Variants in CPSF7 observed in about 807,000 individuals in gnomAD.
CPSF7 encodes cleavage and polyadenylation specific factor 7.
In CPSF7, 1 loss-of-function variant was observed where a neutral mutation model predicts 44.3. The ratio of observed to expected loss-of-function variants is 0.02; its 90% CI spans 0.01 to 0.11. The LOEUF (loss-of-function observed/expected upper bound fraction) is 0.11, where lower values mean the gene tolerates loss of function less well. CPSF7 is among the 10% of genes least tolerant of loss of function. The pLI is 1.00. For synonymous variants in CPSF7, 202 were observed against 222.0 expected (o/e 0.91, Z 0.80); for missense variants, 443 against 607.2 (o/e 0.73, Z 2.84).
chr11:61,422,190 T>G (rs1400558269), intron 2 of CPSF7, among the ~76,000 whole-genome samples: 2 of 152,208 alleles, frequency 1.3e-5, no homozygotes, highest in African/African-American at 4.8e-5. Flanking sequence ...CAATCCCATC[T>G]TTCCATCGGA....
chr11:61,411,573 C>T (rs1859852107), intron 8 of CPSF7, among the ~76,000 whole-genome samples, 196 bp downstream of exon 8: 1 of 152,178 alleles, frequency 6.6e-6, no homozygotes, highest in African/African-American at 2.4e-5. Context: ...ACTGCCTCAC[C>T]CACCAGATTC....
intron 5 of CPSF7, among the ~76,000 whole-genome samples, chr11:61,418,386 C>G (rs898242932): frequency 6.6e-6 from 1 of 152,160 alleles, no homozygotes; most frequent in Admixed American, 6.6e-5. Context: ...CAGGAAAATC[C>G]AAGGTCTAGT....
intron 9 of CPSF7, among the ~76,000 whole-genome samples, chr11:61,410,133 T>C (rs556874676): frequency 3.3e-5 from 5 of 151,054 alleles, no homozygotes; most frequent in South Asian, 4.2e-4. Context: ...AAGGTCTCAC[T>C]GTCGCTCAGG....
At chr11:61,410,732 C>T (rs1859776858) in intron 9 of CPSF7, 3 of 469,688 alleles carry the variant, frequency 6.4e-6, no homozygotes, top group African/African-American at 2.0e-5. Context: ...TTAAGGCAGT[C>T]AAGAAACAAG....
chr11:61,418,764 G>A (rs546794989), intron 5 of CPSF7, among the ~76,000 whole-genome samples: 158 of 151,902 alleles, frequency 1.0e-3, no homozygotes, highest in Admixed American at 1.8e-3. Flanking sequence ...TGTCACCCAG[G>A]CTGGAAGGCA....
intron 5 of CPSF7, among the ~76,000 whole-genome samples, chr11:61,419,689 G>A (rs1024541757): frequency 2.0e-5 from 3 of 152,120 alleles, no homozygotes; most frequent in Non-Finnish European, 4.4e-5. Context: ...AAAGTGACTT[G>A]GCCAAGGTCA....
At chr11:61,429,856 G>T in intron 1 of CPSF7, 58 bp downstream of exon 1, 1 of 1,541,906 alleles carries the variant, frequency 6.5e-7, no homozygotes, top group South Asian at 1.2e-5. Context: ...TCCCGCCTCA[G>T]TGCCGGCCCG....
chr11:61,424,973 A>C (rs1162745079), intron 2 of CPSF7, among the ~76,000 whole-genome samples: 2 of 152,256 alleles, frequency 1.3e-5, no homozygotes, highest in Non-Finnish European at 2.9e-5. Flanking sequence ...ATGCATCACC[A>C]GGAAACCCTT....
chr11:61,429,568 T>C, intron 1 of CPSF7: 1 of 625,188 alleles, frequency 1.6e-6, no homozygotes, highest in Non-Finnish European at 2.6e-6. Context: ...CGGGTCCTAG[T>C]GGCCCTAGGA....
chr11:61,423,582 G>A (rs1861093935), intron 2 of CPSF7, among the ~76,000 whole-genome samples: 1 of 152,194 alleles, frequency 6.6e-6, no homozygotes, highest in African/African-American at 2.4e-5. Context: ...GAGACAGCAA[G>A]TAGTTCAGTG....
At chr11:61,422,404 C>T (rs972567101) in intron 2 of CPSF7, among the ~76,000 whole-genome samples, 1 of 151,920 alleles carries the variant, frequency 6.6e-6, no homozygotes, top group Non-Finnish European at 1.5e-5. Context: ...GCTTCAACCT[C>T]CTGGGCTCAT....
Position 61,411,956 on chromosome 11 carries a change from GA to G in CPSF7, c.1058-20del. 6.2e-7 allele frequency: 1 copy of G among 1,612,450 alleles called. No homozygotes were observed. The highest frequency in any genetic ancestry group is 8.5e-7 in the Non-Finnish European group (1 of 1,178,530). On this transcript the variant is annotated intron_variant, in intron 7 of 9. Transcript: ENST00000439958. ...TAATCCCCTGATAAAGGATGAAGGA[GA>G]AAGGCCAAGGGTGAGGAGAGATGGT...
At chr11:61,419,846 A>C in intron 5 of CPSF7, 103 bp downstream of exon 5, 1 of 1,440,404 alleles carries the variant, frequency 6.9e-7, no homozygotes, top group Non-Finnish European at 9.4e-7. Flanking sequence ...AAACTCACCC[A>C]CACTGTAGGC....
At chr11:61,417,643 G>A (rs1042559364) in intron 5 of CPSF7, among the ~76,000 whole-genome samples, 1 of 152,198 alleles carries the variant, frequency 6.6e-6, no homozygotes, top group Admixed American at 6.5e-5. Context: ...ACAGAACAGT[G>A]CCAGTGCTGT....
chr11:61,406,479 T>G (rs1859331785), intron 9 of CPSF7, among the ~76,000 whole-genome samples: 1 of 152,184 alleles, frequency 6.6e-6, no homozygotes, highest in East Asian at 1.9e-4. Context: ...GTCCTTAGGG[T>G]GAGAATGTAA....
At chr11:61,428,557 T>C (rs1380701032) in intron 2 of CPSF7, among the ~76,000 whole-genome samples, 2 of 152,252 alleles carry the variant, frequency 1.3e-5, no homozygotes, top group Non-Finnish European at 2.9e-5. Context: ...TGCATGGGTC[T>C]ATTATCAGTT....
chr11:61,418,582 C>T (rs1439435284), intron 5 of CPSF7, among the ~76,000 whole-genome samples: 1 of 152,174 alleles, frequency 6.6e-6, no homozygotes, highest in Non-Finnish European at 1.5e-5. Context: ...AGCGAATTCT[C>T]TTCCTAGTAG....
chr11:61,412,079 C>T (rs1246587393), intron 7 of CPSF7, 142 bp from the exon 8 acceptor site: 2 of 641,296 alleles, frequency 3.1e-6, no homozygotes, highest in African/African-American at 3.6e-5. Context: ...GCAGATGTTG[C>T]AAGTGTAAAA....
intron 5 of CPSF7, among the ~76,000 whole-genome samples, chr11:61,419,273 C>G (rs900578776): frequency 6.6e-6 from 1 of 152,316 alleles, no homozygotes; most frequent in East Asian, 1.9e-4. Flanking sequence ...CCACCCACCT[C>G]GGCCTCTCAA....
Sources: gnomAD v4.1 joint callset for allele counts (sites outside exome capture counted in the v4.1 genomes callset) on GRCh38, gnomAD v4.1.1 for gene constraint, MANE v1.5 for transcripts, NCBI Gene and HGNC (gene_info 2026-07-23, HGNC 2026-07-21) for gene names.